Variants in CDH22 observed in about 807,000 individuals in gnomAD.
CDH22 encodes the protein cadherin 22, also known as cadherin-22.
A neutral mutation model predicts 58.4 loss-of-function variants in CDH22; 30 were observed. That is an observed-to-expected ratio of 0.51 (90% CI 0.38 to 0.70). CDH22 has a LOEUF of 0.70. Ranked by LOEUF, CDH22 falls within the 30% of genes least tolerant of loss-of-function variation. The probability of loss-of-function intolerance (pLI) is 0.00; values close to 1 mark genes in which losing one functional copy is unlikely to be tolerated. For synonymous variants in CDH22, 513 were observed against 558.2 expected (o/e 0.92, Z 1.14); for missense variants, 1,014 against 1,233.9 (o/e 0.82, Z 2.67).
At chr20:46,212,557 C>G (rs2086050897) in intron 6 of CDH22, among the ~76,000 whole-genome samples, 1 of 152,234 alleles carries the variant, frequency 6.6e-6, no homozygotes, top group Admixed American at 6.5e-5. Context: ...GGGTTCAAAT[C>G]TCTACCATGT....
intron 1 of CDH22, among the ~76,000 whole-genome samples, chr20:46,278,117 G>C (rs1042388002): frequency 6.6e-6 from 1 of 151,950 alleles, no homozygotes; most frequent in Non-Finnish European, 1.5e-5. Flanking sequence ...AAGGGGTGGG[G>C]GCCCCAGGGA....
At chr20:46,193,794 T>C (rs1007984411) in intron 8 of CDH22, among the ~76,000 whole-genome samples, 2 of 152,130 alleles carry the variant, frequency 1.3e-5, no homozygotes, top group African/African-American at 2.4e-5. Flanking sequence ...ATCCCCTTTC[T>C]GCCTGGAACA....
At chr20:46,256,603 G>A (rs922042126) in intron 1 of CDH22, among the ~76,000 whole-genome samples, 28 of 152,170 alleles carry the variant, frequency 1.8e-4, no homozygotes, top group Admixed American at 6.5e-4. Flanking sequence ...GAGTGTGGGG[G>A]TGGAGTCAGA....
At chr20:46,175,384 C>T (rs926471872) in intron 11 of CDH22, among the ~76,000 whole-genome samples, 1 of 152,134 alleles carries the variant, frequency 6.6e-6, no homozygotes, top group African/African-American at 2.4e-5. Context: ...TGAGGTCTCC[C>T]TTCTCAGCCC....
chr20:46,197,779 G>A (rs2085917740), intron 8 of CDH22, among the ~76,000 whole-genome samples: 4 of 152,194 alleles, frequency 2.6e-5, no homozygotes, highest in Admixed American at 2.6e-4. Flanking sequence ...AGCCAGCTTT[G>A]TATTTCCTTT....
At chr20:46,198,606 G>A (rs1039075970) in intron 8 of CDH22, among the ~76,000 whole-genome samples, 2 of 152,146 alleles carry the variant, frequency 1.3e-5, no homozygotes, top group African/African-American at 4.8e-5. Flanking sequence ...GCTGCCAGAG[G>A]TACCCTGATG....
At position 46,242,168 on chromosome 20, in the gene CDH22, T is replaced by A. The variant is rs553396567; in HGVS notation, c.256-911A>T. The stretch of plus-strand genomic sequence containing the variant: ...CTTTTCTAGTTAAAGATGCTTTTTT[T>A]AAAAACCTGCTAGAGTAGGTTTTTC... On this transcript the variant is annotated intron_variant, in intron 2 of 11. Transcript: ENST00000537909. Among the ~76,000 whole-genome samples, 68 of 152,364 alleles carry A rather than the reference T, an allele frequency of 4.5e-4. 1 individual carries two copies. In the Middle Eastern group the frequency reaches 0.01, roughly 23 times the overall value.
rs1348993642 is a variant in CDH22 at position 46,175,004 on chromosome 20, C to T, written c.1989G>A (p.Met663Ile). The T allele has an allele frequency of 6.2e-7, 1 of 1,609,372 alleles. No homozygotes were observed. The highest frequency in any genetic ancestry group is 1.6e-4 in the Middle Eastern group (1 of 6,062). ...CGTTGTATTTGATGACGTTGTCCCG[C>T]ATGTCTTCATCCTCGTCCGAGCTCA... ...SHLSSDEDED[M>I]RDNVIKYNDE... The change falls in exon 12 of 12, where the codon ATG becomes ATA. Residue 663 changes from methionine to isoleucine, a missense_variant. Physicochemically the swap from Met to Ile is conservative, Grantham distance 10 (BLOSUM62 1). This residue lies in a region of CDH22 where 806 missense variants were observed against 1,038.7 expected (regional missense o/e 0.78). Coordinates refer to ENST00000537909, the MANE Select transcript of CDH22 (RefSeq NM_021248.3).
intron 1 of CDH22, among the ~76,000 whole-genome samples, chr20:46,255,556 C>G (rs939847176): frequency 2.0e-5 from 3 of 152,128 alleles, no homozygotes; most frequent in African/African-American, 7.2e-5. Context: ...GAGCCCTGGC[C>G]CTCCCATCCT....
chr20:46,252,013 G>A (rs1409888254), intron 1 of CDH22, among the ~76,000 whole-genome samples: 1 of 151,852 alleles, frequency 6.6e-6, no homozygotes, highest in Non-Finnish European at 1.5e-5. Context: ...AGTAGGCGGT[G>A]CCCCTGACCT....
chr20:46,231,573 T>C (rs1365638754), intron 3 of CDH22, among the ~76,000 whole-genome samples: 2 of 152,096 alleles, frequency 1.3e-5, no homozygotes, highest in African/African-American at 2.4e-5. Context: ...TAGTAAGCAG[T>C]AGGGAAAGAT....
intron 1 of CDH22, among the ~76,000 whole-genome samples, chr20:46,286,628 G>A (rs1224373806): frequency 6.6e-6 from 1 of 152,152 alleles, no homozygotes; most frequent in Non-Finnish European, 1.5e-5. Flanking sequence ...CAGAATGAAT[G>A]ACTGTACCTT....
At chr20:46,230,004 A>C (rs560525146) in intron 3 of CDH22, among the ~76,000 whole-genome samples, 1 of 152,106 alleles carries the variant, frequency 6.6e-6, no homozygotes, top group African/African-American at 2.4e-5. Flanking sequence ...CAGCCATTAT[A>C]GTTAATGCCG....
At chr20:46,273,217 A>G (rs1335855571) in intron 1 of CDH22, among the ~76,000 whole-genome samples, 3 of 152,204 alleles carry the variant, frequency 2.0e-5, no homozygotes, top group Admixed American at 2.0e-4. Flanking sequence ...ATTTTCAAGG[A>G]TCAGCAAATG....
chr20:46,201,628 T>G (rs918081909), intron 7 of CDH22, among the ~76,000 whole-genome samples: 1 of 152,206 alleles, frequency 6.6e-6, no homozygotes, highest in African/African-American at 2.4e-5. Context: ...ACAGTCCTTA[T>G]GCTTTTCATG....
At chr20:46,274,153 C>T (rs947824958) in intron 1 of CDH22, among the ~76,000 whole-genome samples, 1 of 152,206 alleles carries the variant, frequency 6.6e-6, no homozygotes, top group Non-Finnish European at 1.5e-5. Flanking sequence ...TTCGAACAGT[C>T]ATGCCTGATG....
chr20:46,222,194 G>C (rs2425791), intron 4 of CDH22, among the ~76,000 whole-genome samples: 79,898 of 152,062 alleles, frequency 0.53, 24,357 homozygotes, highest in Middle Eastern at 0.69. Flanking sequence ...CTTTCCTCAA[G>C]TTCTGGATTG....
chr20:46,236,507 ATTT>A (rs2086252566), intron 3 of CDH22, among the ~76,000 whole-genome samples: 1 of 141,248 alleles, frequency 7.1e-6, no homozygotes, highest in Non-Finnish European at 1.5e-5. Flanking sequence ...ATAGATATAT[ATTT>A]AATTATATAT....
chr20:46,178,316 A>G (rs973539832), intron 10 of CDH22, 119 bp from the exon 11 acceptor site: 9 of 1,120,366 alleles, frequency 8.0e-6, no homozygotes, highest in African/African-American at 1.5e-5. Context: ...ACAGCCTCCC[A>G]ATGGACTCAT....
Sources: gnomAD v4.1 joint callset for allele counts (sites outside exome capture counted in the v4.1 genomes callset) on GRCh38, gnomAD v4.1.1 for gene constraint, gnomAD v4.1.1 regional missense constraint, MANE v1.5 for transcripts, NCBI Gene and HGNC (gene_info 2026-07-23, HGNC 2026-07-21) for gene names.